The following TDRD5 variants were observed in gnomAD, a reference collection of about 807,000 sequenced individuals.
TDRD5 encodes the protein tudor domain-containing protein 5.
In TDRD5, 41 loss-of-function variants were observed where a neutral mutation model predicts 120.6. The ratio of observed to expected loss-of-function variants is 0.34; its 90% CI spans 0.26 to 0.44. The LOEUF (loss-of-function observed/expected upper bound fraction) is 0.44, where lower values mean the gene tolerates loss of function less well. Ranked by LOEUF, TDRD5 falls within the 20% of genes least tolerant of loss-of-function variation. The pLI, the probability that TDRD5 is intolerant of heterozygous loss-of-function variation, is 1.00. For missense variants in TDRD5, 1,006 were observed against 1,221.2 expected, an observed-to-expected ratio of 0.82 and a Z score of 2.63; for synonymous variants, 430 against 433.7, an observed-to-expected ratio of 0.99 and a Z score of 0.11.
intron 13 of TDRD5, among the ~76,000 whole-genome samples, 191 bp downstream of exon 13, chr1:179,652,388 T>C (rs1322771102): frequency 6.6e-6 from 1 of 152,154 alleles, no homozygotes; most frequent in East Asian, 1.9e-4. Context: ...ACAGTTGCTC[T>C]CATATAGTAA....
chr1:179,651,107 A>C, intron 12 of TDRD5, 40 bp downstream of exon 12: 3 of 1,599,132 alleles, frequency 1.9e-6, no homozygotes, highest in African/African-American at 1.3e-5. Context: ...TATTTTGTTT[A>C]ATTTCACCAC....
intron 17 of TDRD5, among the ~76,000 whole-genome samples, chr1:179,688,495 A>G (rs1030309638): frequency 1.3e-5 from 2 of 152,094 alleles, no homozygotes; most frequent in African/African-American, 4.8e-5. Context: ...CTTAATTTCA[A>G]CTTTGGTGAA....
intron 17 of TDRD5, among the ~76,000 whole-genome samples, chr1:179,676,333 A>AT (rs1261997823): frequency 6.6e-6 from 1 of 152,200 alleles, no homozygotes; most frequent in Non-Finnish European, 1.5e-5. Context: ...TAAGTGGAGC[A>AT]TTGAGGCCAT....
intron 14 of TDRD5, among the ~76,000 whole-genome samples, chr1:179,656,056 C>T (rs886247600): frequency 6.6e-6 from 1 of 152,126 alleles, no homozygotes; most frequent in African/African-American, 2.4e-5. Flanking sequence ...GAATTTTCAC[C>T]AGCAATAATA....
intron 17 of TDRD5, among the ~76,000 whole-genome samples, chr1:179,689,930 C>T (rs1229300144): frequency 2.6e-5 from 4 of 152,156 alleles, no homozygotes; most frequent in Non-Finnish European, 4.4e-5. Flanking sequence ...AGGAGTGACC[C>T]GATTTTCCAG....
At chr1:179,629,200 A>G (rs925352958) in intron 6 of TDRD5, among the ~76,000 whole-genome samples, 11 of 152,144 alleles carry the variant, frequency 7.2e-5, no homozygotes, top group Admixed American at 5.9e-4. Flanking sequence ...CATTTTCATG[A>G]CCAATTTAGC....
Position 179,634,145 on chromosome 1 carries a change from T to A in TDRD5, c.1127-312T>A, listed in dbSNP as rs566663083. Reference sequence around the variant, plus strand: ...GAGATCGCACCACTGCACTCCAGTCTGGGCAATAGAGCAAGACTTCATCTC... The same window carrying A: ...GAGATCGCACCACTGCACTCCAGTCAGGGCAATAGAGCAAGACTTCATCTC... On this transcript the variant is annotated intron_variant, in intron 7 of 17. Coordinates refer to ENST00000444136, the MANE Select transcript of TDRD5 (RefSeq NM_001199085.3). 8.2e-5 allele frequency among the ~76,000 whole-genome samples: 12 copies of A among 145,888 alleles called. No homozygotes were observed. The East Asian group carries it at 2.2e-3, about 27-fold the overall frequency.
intron 12 of TDRD5, 143 bp from the exon 13 acceptor site, chr1:179,651,896 G>A: frequency 2.2e-6 from 2 of 916,932 alleles, no homozygotes; most frequent in Non-Finnish European, 3.2e-6. Context: ...CTGGGCAACA[G>A]AGCGAGACTC....
chr1:179,686,985 A>G (rs550756995), intron 17 of TDRD5, among the ~76,000 whole-genome samples: 1 of 152,052 alleles, frequency 6.6e-6, no homozygotes, highest in Non-Finnish European at 1.5e-5. Flanking sequence ...AATCTTTTCA[A>G]AAAACCAGCT....
chr1:179,682,245 C>A (rs72706776), intron 17 of TDRD5, among the ~76,000 whole-genome samples: 6,811 of 151,436 alleles, frequency 0.045, 225 homozygotes, highest in Non-Finnish European at 0.067. Context: ...GGCTTAATTT[C>A]TTTTTTTATT....
In TDRD5 at chr1:179,648,396, A is replaced by C. The variant is rs985462899; in HGVS notation, c.1801-2471A>C. Among the ~76,000 whole-genome samples the C allele has an allele frequency of 4.3e-4, 53 of 123,496 alleles. 1 individual carries two copies. The highest frequency in any genetic ancestry group is 1.4e-3 in the African/African-American group (50 of 34,954). The allele number at this position is 123,496 out of a possible 152,430, so 81.0% of individuals were successfully genotyped here. A position where few individuals can be genotyped will look rare whatever the true frequency, so the allele number is the denominator to read the frequency against. On this transcript the variant is annotated intron_variant, in intron 11 of 17. Coordinates refer to ENST00000444136, the MANE Select transcript of TDRD5 (RefSeq NM_001199085.3). The stretch of plus-strand genomic sequence containing the variant: ...CTCACTCATAGATGGGAATTGAACA[A>C]TGAGAACACATGGACACAGGAAGGG...
rs2147769255 is a variant in TDRD5, at chr1:179,665,715, C to T, written c.2649+2224C>T. 3.3e-5 allele frequency among the ~76,000 whole-genome samples: 5 copies of T among 152,070 alleles called. No individual in the cohort carries two copies. In the Middle Eastern group the frequency reaches 0.017, roughly 517 times the overall value. ...GTAGTTTTATACTATTAATTTATAC[C>T]CCACGAAGAGAAGTTACAAAGGTAA... On this transcript the variant is annotated intron_variant, in intron 16 of 17. Transcript: ENST00000444136.
At chr1:179,604,552 A>G (rs1053498037) in intron 4 of TDRD5, among the ~76,000 whole-genome samples, 1 of 152,048 alleles carries the variant, frequency 6.6e-6, no homozygotes, top group Non-Finnish European at 1.5e-5. Flanking sequence ...CCTTTGCTGT[A>G]TCCCAGAGTT....
Position 179,621,015 on chromosome 1 carries a change from T to G in TDRD5, c.916-20T>G, listed in dbSNP as rs77980655. 6.3e-6 allele frequency: 10 copies of G among 1,581,252 alleles called. No individual in the cohort carries two copies. In the East Asian group the frequency reaches 2.3e-4, roughly 37 times the overall value. ...AGCATTTCAGTGTGTCTATATTGTA[T>G]TTCACTTTCTATTTGTTAGGTTGTA... On this transcript the variant is annotated intron_variant, in intron 5 of 17. Transcript: ENST00000444136.
At position 179,671,479 on chromosome 1, in the gene TDRD5, G is replaced by A. The variant is rs539403366; in HGVS notation, c.2860+2075G>A. On this transcript the variant is annotated intron_variant, in intron 17 of 17. Coordinates refer to ENST00000444136, the MANE Select transcript of TDRD5 (RefSeq NM_001199085.3). Reference sequence around the variant, plus strand: ...ATCCACATACTACATTTTTTGTTTTGCAACAAAGTTTTCATTAGAATGTAA... The same window carrying A: ...ATCCACATACTACATTTTTTGTTTTACAACAAAGTTTTCATTAGAATGTAA... 4.6e-5 allele frequency among the ~76,000 whole-genome samples: 7 copies of A among 151,964 alleles called. No individual in the cohort carries two copies. The South Asian group carries it at 1.5e-3, about 32-fold the overall frequency.
intron 15 of TDRD5, 116 bp downstream of exon 15, chr1:179,662,402 AC>A: frequency 9.1e-7 from 1 of 1,103,558 alleles, no homozygotes; most frequent in Non-Finnish European, 1.2e-6. Context: ...GGAGTTCATG[AC>A]CAGCCTGGGC....
rs752257361 is a variant in TDRD5, at chr1:179,652,145, A to G, written c.2108A>G (p.Asn703Ser). ...LGYPSQQHYF[N>S]EDRKISPQSK... Reference sequence around the variant, plus strand: ...TATCCTTCCCAGCAGCACTATTTTAATGAAGACCGAAAGATAAGTCCACAG... The same window carrying G: ...TATCCTTCCCAGCAGCACTATTTTAGTGAAGACCGAAAGATAAGTCCACAG... Residue 703 changes from asparagine to serine, a missense_variant, in exon 13 of 18, where the codon AAT (asparagine) becomes AGT (serine). By Grantham distance (46) the Asn-to-Ser change is conservative (BLOSUM62 1). Coordinates refer to ENST00000444136, the MANE Select transcript of TDRD5 (RefSeq NM_001199085.3). 6.2e-7 allele frequency: 1 copy of G among 1,613,962 alleles called. No homozygotes were observed. The highest frequency in any genetic ancestry group is 8.5e-7 in the Non-Finnish European group (1 of 1,179,970).
intron 6 of TDRD5, among the ~76,000 whole-genome samples, chr1:179,626,719 C>CT (rs554659626): frequency 1.3e-5 from 2 of 152,026 alleles, no homozygotes; most frequent in Non-Finnish European, 2.9e-5. Flanking sequence ...GTATCCAATT[C>CT]TTTCAACTTT....
intron 14 of TDRD5, among the ~76,000 whole-genome samples, chr1:179,661,629 G>T (rs1031113391): frequency 3.5e-4 from 54 of 152,240 alleles, no homozygotes; most frequent in African/African-American, 1.3e-3. Flanking sequence ...AGATGTAGTT[G>T]CCTGAGTTCT....
Sources: gnomAD v4.1 joint callset for allele counts (sites outside exome capture counted in the v4.1 genomes callset) on GRCh38, gnomAD v4.1.1 for gene constraint, MANE v1.5 for transcripts, NCBI Gene and HGNC (gene_info 2026-07-23, HGNC 2026-07-21) for gene names.